TF: variants seen among roughly 807,000 people sequenced by gnomAD.
The protein encoded by TF is serotransferrin.
In TF, 55 loss-of-function variants were observed where a neutral mutation model predicts 82.4. The ratio of observed to expected loss-of-function variants is 0.67; its 90% CI spans 0.54 to 0.84. The LOEUF (loss-of-function observed/expected upper bound fraction) is 0.84, where lower values mean the gene tolerates loss of function less well. Among genes scored for constraint, TF ranks in the 40% least tolerant of loss-of-function variants. TF has a pLI of 0.00. For missense variants in TF, 737 were observed against 868.4 expected, an observed-to-expected ratio of 0.85 and a Z score of 1.90; for synonymous variants, 332 against 332.6, an observed-to-expected ratio of 1.00 and a Z score of 0.02.
At position 133,755,222 on chromosome 3, in the gene TF, T is replaced by C; in HGVS notation, c.503-141T>C. The C allele has an allele frequency of 3.8e-6, 4 of 1,043,470 alleles. No individual in the cohort carries two copies. The South Asian group carries it at 5.3e-5, about 14-fold the overall frequency. 64.6% of individuals were successfully genotyped at this position (1,043,470 alleles called of 1,614,324 possible). ...ATTAGAAATCCTTGATCTTGATGAGTTAGCATAAGGGCAAGCTGGGGCTGC... is the reference window on the plus strand; with the variant it reads ...ATTAGAAATCCTTGATCTTGATGAGCTAGCATAAGGGCAAGCTGGGGCTGC... On this transcript the variant is annotated intron_variant, in intron 4 of 16. Coordinates refer to ENST00000402696, the MANE Select transcript of TF (RefSeq NM_001063.4).
At chr3:133,756,587 G>A (rs1231118269) in intron 6 of TF, among the ~76,000 whole-genome samples, 1 of 152,088 alleles carries the variant, frequency 6.6e-6, no homozygotes, top group Non-Finnish European at 1.5e-5. Context: ...ACCAAAGACT[G>A]GGGGTTGGTG....
chr3:133,748,589 G>A lies in TF; in HGVS notation c.216+5G>A, dbSNP rs1032945228. 10 of 1,614,076 alleles carry A rather than the reference G, an allele frequency of 6.2e-6. No individual in the cohort carries two copies. The highest frequency in any genetic ancestry group is 8.5e-6 in the Non-Finnish European group (10 of 1,180,006). Reference sequence around the variant, plus strand: ...GATTGCATCAGGGCCATTGCGGTAAGTCGCTGCTGCCTAAAAGAGAGTGGA... The same window carrying A: ...GATTGCATCAGGGCCATTGCGGTAAATCGCTGCTGCCTAAAAGAGAGTGGA... On this transcript the variant is annotated splice_donor_5th_base_variant and intron_variant, in intron 2 of 16. Transcript: ENST00000402696.
chr3:133,756,602 T>C (rs1933840844), intron 6 of TF, among the ~76,000 whole-genome samples: 1 of 152,146 alleles, frequency 6.6e-6, no homozygotes, highest in Non-Finnish European at 1.5e-5. Flanking sequence ...TTGGTGCTGC[T>C]AAGATCAGGC....
At chr3:133,677,866 T>C in the TF span, among the ~76,000 whole-genome samples, 1 of 151,980 alleles carries the variant, frequency 6.6e-6, no homozygotes, top group Non-Finnish European at 1.5e-5. Flanking sequence ...AAAAAAAATT[T>C]TTTTATTATA....
the TF span, chr3:133,701,170 C>T: frequency 1.3e-5 from 2 of 152,334 alleles, no homozygotes; most frequent in Non-Finnish European, 1.5e-5. Flanking sequence ...GCCTGCAGAG[C>T]CCAAGGGAGC....
intron 9 of TF, 81 bp from the exon 10 acceptor site, chr3:133,764,101 G>C (rs1028859605): frequency 8.0e-7 from 1 of 1,245,304 alleles, no homozygotes; most frequent in African/African-American, 1.5e-5. Flanking sequence ...TGGAAAGGCT[G>C]CTTCAAGGAA....
rs1934870448 is a variant in TF at position 133,792,670 on chromosome 3, A to T, written c.*14050A>T. 1 of 152,248 alleles carries T rather than the reference A, an allele frequency of 6.6e-6. No homozygotes were observed. Among genetic ancestry groups the T allele is most frequent in the Non-Finnish European group, 1.5e-5 (1 of 68,034 alleles). 9.4% of individuals were successfully genotyped at this position (152,248 alleles called of 1,614,324 possible). On this transcript the variant is annotated 3_prime_UTR_variant, in exon 17 of 17. Transcript: ENST00000402696. The stretch of plus-strand genomic sequence containing the variant: ...GTTTTACATGCAAGTTACGTAAGAA[A>T]AGTGAATGCATTTTCAGTGAAAGAT...
At chr3:133,727,121 T>C in the TF span, among the ~76,000 whole-genome samples, 2 of 152,188 alleles carry the variant, frequency 1.3e-5, no homozygotes, top group African/African-American at 4.8e-5. Context: ...CTGAAAAAAA[T>C]GTATATTCTG....
the TF span, among the ~76,000 whole-genome samples, chr3:133,664,400 G>A: frequency 2.0e-5 from 3 of 151,922 alleles, no homozygotes; most frequent in Non-Finnish European, 2.9e-5. Flanking sequence ...TCTGCTCACT[G>A]CAACCTCCAC....
chr3:133,677,536 C>T, the TF span, among the ~76,000 whole-genome samples: 1 of 152,094 alleles, frequency 6.6e-6, no homozygotes, highest in South Asian at 2.1e-4. Flanking sequence ...ACTCGGGAGG[C>T]TGAGGCAGGA....
At chr3:133,686,386 G>T in the TF span, among the ~76,000 whole-genome samples, 6 of 152,148 alleles carry the variant, frequency 3.9e-5, no homozygotes, top group Non-Finnish European at 8.8e-5. Flanking sequence ...CACAGCAAAA[G>T]AAACTACCAT....
In TF at chr3:133,786,437, A is replaced by C. The variant is rs1934688481; in HGVS notation, c.*7817A>C. On this transcript the variant is annotated 3_prime_UTR_variant, in exon 17 of 17. Transcript: ENST00000402696. ...TGTGCACTGGTTCAGGGGAGGAGAG[A>C]GGAAAGGAAGTGTAAGAGCTCTATG... 1 of 152,100 alleles carries C rather than the reference A, an allele frequency of 6.6e-6. No homozygotes were observed. The highest frequency in any genetic ancestry group is 2.4e-5 in the African/African-American group (1 of 41,394). 9.4% of individuals were successfully genotyped at this position (152,100 alleles called of 1,614,324 possible).
At chr3:133,684,172 A>G in the TF span, among the ~76,000 whole-genome samples, 1 of 152,228 alleles carries the variant, frequency 6.6e-6, no homozygotes, top group African/African-American at 2.4e-5. Flanking sequence ...AAGACACAAT[A>G]TATCAGAATC....
the TF span, among the ~76,000 whole-genome samples, chr3:133,734,678 G>A: frequency 6.6e-6 from 1 of 152,110 alleles, no homozygotes; most frequent in East Asian, 1.9e-4. Flanking sequence ...TGCAATCAAT[G>A]TAGTACTAAT....
At chr3:133,724,448 T>A in the TF span, among the ~76,000 whole-genome samples, 3 of 152,120 alleles carry the variant, frequency 2.0e-5, no homozygotes, top group Non-Finnish European at 4.4e-5. Context: ...GCTGCATAAA[T>A]GTCTTCTTAT....
the TF span, among the ~76,000 whole-genome samples, chr3:133,729,571 C>T: frequency 6.6e-6 from 1 of 152,188 alleles, no homozygotes; most frequent in Non-Finnish European, 1.5e-5. Flanking sequence ...CACCCCTTTC[C>T]TTGACCAGGA....
upstream of TF, among the ~76,000 whole-genome samples, chr3:133,743,949 C>A (rs1396496471): frequency 6.6e-6 from 1 of 152,246 alleles, no homozygotes; most frequent in African/African-American, 2.4e-5. Flanking sequence ...GCACGAAGCT[C>A]TGCTGTTGTC....
At chr3:133,752,518 T>G (rs1427075771) in intron 2 of TF, among the ~76,000 whole-genome samples, 1 of 152,140 alleles carries the variant, frequency 6.6e-6, no homozygotes, top group Non-Finnish European at 1.5e-5. Flanking sequence ...TTTAAGTGTC[T>G]AAATAAAAGA....
chr3:133,679,592 T>TTTTTTTTTC, the TF span, among the ~76,000 whole-genome samples: 2 of 149,624 alleles, frequency 1.3e-5, no homozygotes, highest in African/African-American at 4.9e-5. Context: ...TTTTTTTTTT[T>TTTTTTTTTC]TACTCAGCAT....
Sources: allele counts gnomAD v4.1 joint callset (sites outside exome capture counted in the v4.1 genomes callset), GRCh38; gene constraint gnomAD v4.1.1; transcripts MANE v1.5; gene names NCBI Gene and HGNC (gene_info 2026-07-23, HGNC 2026-07-21).